Variants in DLG2 observed in about 807,000 individuals in gnomAD.
DLG2 encodes disks large homolog 2.
A neutral mutation model predicts 132.5 loss-of-function variants in DLG2; 45 were observed. The ratio of observed to expected loss-of-function variants is 0.34; its 90% CI spans 0.27 to 0.44. DLG2 has a LOEUF of 0.44. Ranked by LOEUF, DLG2 falls within the 20% of genes least tolerant of loss-of-function variation. The probability of loss-of-function intolerance (pLI) is 1.00; values close to 1 mark genes in which losing one functional copy is unlikely to be tolerated. For synonymous variants in DLG2, 424 were observed against 419.6 expected, an observed-to-expected ratio of 1.01 and a Z score of -0.13; for missense variants, 1,045 against 1,196.9, an observed-to-expected ratio of 0.87 and a Z score of 1.87.
intron 3 of DLG2, among the ~76,000 whole-genome samples, chr11:85,321,139 A>C (rs1371673361): frequency 1.3e-5 from 2 of 151,982 alleles, no homozygotes; most frequent in East Asian, 3.8e-4. Flanking sequence ...TGATGAAAAA[A>C]TATTGGATAT....
intron 4 of DLG2, among the ~76,000 whole-genome samples, chr11:85,159,162 C>T (rs1017628564): frequency 6.6e-5 from 10 of 152,124 alleles, no homozygotes; most frequent in African/African-American, 1.2e-4. Context: ...GAACTGACAT[C>T]GATTTCAGGG....
intron 3 of DLG2, among the ~76,000 whole-genome samples, chr11:85,510,428 C>T (rs991657835): frequency 6.6e-6 from 1 of 152,068 alleles, no homozygotes; most frequent in African/African-American, 2.4e-5. Flanking sequence ...TCAGAGTGAA[C>T]AGGCAACCTA....
intron 18 of DLG2, among the ~76,000 whole-genome samples, chr11:83,649,015 T>C (rs1251721297): frequency 1.3e-5 from 2 of 152,116 alleles, no homozygotes; most frequent in African/African-American, 2.4e-5. Flanking sequence ...AAGATTATTA[T>C]GAAATTAAAA....
intron 15 of DLG2, among the ~76,000 whole-genome samples, chr11:83,899,095 T>C (rs2072660435): frequency 6.6e-6 from 1 of 150,926 alleles, no homozygotes. Flanking sequence ...AGTTAAATCT[T>C]TGGATAAATA....
chr11:84,059,448 A>T lies in DLG2; in HGVS notation c.786T>A (p.Asp262Glu). 6.2e-7 allele frequency: 1 copy of T among 1,611,882 alleles called. No homozygotes were observed. Reference protein sequence around the residue: ...NDCILRVNEVDVSEVSHSKAV... With the variant: ...NDCILRVNEVEVSEVSHSKAV... ...CTTTACTGTGGGAAACCTCTGACAC[A>T]TCAACCTCATTCACCCGCAAGATAC... is the stretch of plus-strand genomic sequence containing the variant. Residue 262 changes from aspartate to glutamate, a missense_variant, in exon 11 of 28, where the codon GAT (aspartate) becomes GAA (glutamate). Physicochemically the swap from Asp to Glu is conservative, Grantham distance 45. Transcript: ENST00000376104.
intron 21 of DLG2, among the ~76,000 whole-genome samples, chr11:83,486,878 A>G (rs1591664773): frequency 2.0e-5 from 3 of 152,112 alleles, no homozygotes; most frequent in African/African-American, 7.2e-5. Flanking sequence ...AAACATTTCA[A>G]CTATAAGAGA....
At chr11:84,567,653 C>A (rs774967897) in intron 6 of DLG2, among the ~76,000 whole-genome samples, 10 of 152,186 alleles carry the variant, frequency 6.6e-5, no homozygotes, top group Non-Finnish European at 1.5e-4. Flanking sequence ...AAAGTAGCGG[C>A]TGTTACTTAA....
At chr11:85,120,473 G>T (rs1183689548) in intron 5 of DLG2, among the ~76,000 whole-genome samples, 1 of 151,872 alleles carries the variant, frequency 6.6e-6, no homozygotes, top group Non-Finnish European at 1.5e-5. Context: ...AGTTTATTTT[G>T]CTTAAAATGT....
chr11:84,552,502 C>A (rs769704930), intron 6 of DLG2, among the ~76,000 whole-genome samples: 1 of 152,156 alleles, frequency 6.6e-6, no homozygotes, highest in Non-Finnish European at 1.5e-5. Context: ...CAGGAGCCTC[C>A]ATAATTTATT....
chr11:84,051,515 A>G (rs1431344860), intron 11 of DLG2, among the ~76,000 whole-genome samples: 2 of 151,538 alleles, frequency 1.3e-5, no homozygotes, highest in Non-Finnish European at 2.9e-5. Flanking sequence ...TCAGCAAACT[A>G]TCGCAAGGAC....
intron 8 of DLG2, among the ~76,000 whole-genome samples, chr11:84,174,520 G>A (rs750827197): frequency 1.3e-5 from 2 of 152,064 alleles, no homozygotes; most frequent in Non-Finnish European, 2.9e-5. Flanking sequence ...CTTTACTAAT[G>A]CCACATACGC....
intron 6 of DLG2, among the ~76,000 whole-genome samples, chr11:84,698,205 G>A (rs550335744): frequency 6.6e-6 from 1 of 150,766 alleles, no homozygotes; most frequent in Non-Finnish European, 1.5e-5. Flanking sequence ...AAGGCAGAAA[G>A]CAAAATAGTG....
intron 18 of DLG2, among the ~76,000 whole-genome samples, chr11:83,641,999 C>T (rs1318586895): frequency 6.6e-6 from 1 of 151,768 alleles, no homozygotes; most frequent in Non-Finnish European, 1.5e-5. Context: ...CATCAGAATC[C>T]AACTTAACCA....
chr11:85,299,133 G>A (rs2079428344), intron 3 of DLG2, among the ~76,000 whole-genome samples: 1 of 152,084 alleles, frequency 6.6e-6, no homozygotes, highest in African/African-American at 2.4e-5. Flanking sequence ...GTTGAGCATT[G>A]TATGTACATT....
intron 4 of DLG2, among the ~76,000 whole-genome samples, chr11:85,193,265 T>C: frequency 6.6e-6 from 1 of 152,232 alleles, no homozygotes; most frequent in East Asian, 1.9e-4. Flanking sequence ...TTTTTATGGC[T>C]GATTAATACT....
At chr11:84,317,259 A>G (rs972163793) in intron 7 of DLG2, 50 of 1,497,688 alleles carry the variant, frequency 3.3e-5, no homozygotes, top group Non-Finnish European at 4.3e-5. Flanking sequence ...TGGATTCCTC[A>G]GTATCTTTGA....
intron 3 of DLG2, among the ~76,000 whole-genome samples, chr11:85,331,171 G>A (rs74802155): frequency 6.6e-6 from 1 of 152,226 alleles, no homozygotes; most frequent in Non-Finnish European, 1.5e-5. Context: ...TGATTTTGTA[G>A]TATGTTGTCA....
intron 18 of DLG2, among the ~76,000 whole-genome samples, chr11:83,687,520 T>C (rs1474208985): frequency 6.6e-6 from 1 of 152,196 alleles, no homozygotes; most frequent in Non-Finnish European, 1.5e-5. Context: ...CCTTCTTTTA[T>C]TATAGAATTA....
intron 2 of DLG2, among the ~76,000 whole-genome samples, chr11:85,603,932 A>C (rs2080343188): frequency 6.6e-6 from 1 of 152,102 alleles, no homozygotes; most frequent in Non-Finnish European, 1.5e-5. Flanking sequence ...AAATAAGTAA[A>C]ATACCCTGTC....
Sources: allele counts gnomAD v4.1 joint callset (sites outside exome capture counted in the v4.1 genomes callset), GRCh38; gene constraint gnomAD v4.1.1; transcripts MANE v1.5; gene names NCBI Gene and HGNC (gene_info 2026-07-23, HGNC 2026-07-21).